The following RIC3 variants were observed in gnomAD, a reference collection of about 807,000 sequenced individuals.
The protein encoded by RIC3 is protein RIC-3.
A neutral mutation model predicts 27.3 loss-of-function variants in RIC3; 28 were observed. The ratio of observed to expected loss-of-function variants is 1.02; its 90% CI spans 0.76 to 1.41. The LOEUF is 1.41. Among genes scored for constraint, RIC3 ranks in the 40% most tolerant of loss-of-function variants. The pLI is 0.00. For synonymous variants in RIC3, 184 were observed against 160.4 expected, an observed-to-expected ratio of 1.15 and a Z score of -1.11; for missense variants, 501 against 444.7, an observed-to-expected ratio of 1.13 and a Z score of -1.14.
rs993877856 is a variant in RIC3 at position 8,109,836 on chromosome 11, C to T, written c.*862G>A. On this transcript the variant is annotated 3_prime_UTR_variant, in exon 6 of 6. Transcript: ENST00000309737. ...CCCTCTTATAGGGTTGCAGCCTCCT[C>T]ATGGCAGGACCATCCCTGGGCAGGG... 3.3e-5 allele frequency: 5 copies of T among 152,252 alleles called. No homozygotes were observed. The highest frequency in any genetic ancestry group is 1.2e-4 in the African/African-American group (5 of 41,450). The allele number at this position is 152,252 out of a possible 1,614,324, so 9.4% of individuals were successfully genotyped here. A position where few individuals can be genotyped will look rare whatever the true frequency, so the allele number is the denominator to read the frequency against.
downstream of RIC3, chr11:8,102,027 C>T (rs1246995155): frequency 5.0e-6 from 1 of 201,804 alleles, no homozygotes; most frequent in East Asian, 1.2e-4. Context: ...AGTCAGATGG[C>T]AATGGGTACT....
At chr11:8,112,926 A>T (rs748601588) in intron 5 of RIC3, among the ~76,000 whole-genome samples, 13 of 152,224 alleles carry the variant, frequency 8.5e-5, no homozygotes, top group Admixed American at 2.0e-4. Context: ...AAGGGAATGG[A>T]CATTATAAAA....
chr11:8,148,449 G>T (rs2134062627), intron 1 of RIC3, among the ~76,000 whole-genome samples: 1 of 152,296 alleles, frequency 6.6e-6, no homozygotes, highest in Admixed American at 6.5e-5. Flanking sequence ...GGTGGCTAAT[G>T]TTCAATAAAC....
intron 1 of RIC3, among the ~76,000 whole-genome samples, chr11:8,157,632 T>C (rs1448329424): frequency 1.3e-5 from 2 of 152,246 alleles, no homozygotes; most frequent in African/African-American, 4.8e-5. Flanking sequence ...GCTCTGGATC[T>C]TGCCTACTAC....
At chr11:8,104,019 T>C (rs1163129489), downstream of RIC3, 1 of 152,196 alleles carries the variant, frequency 6.6e-6, no homozygotes, top group Admixed American at 6.5e-5. Flanking sequence ...CTGTCAGGCA[T>C]TGAATGACAA....
chr11:8,103,341 A>AG (rs1307466964), downstream of RIC3: 2 of 152,238 alleles, frequency 1.3e-5, no homozygotes, highest in Non-Finnish European at 2.9e-5. Flanking sequence ...GGAAGCAAGC[A>AG]GGGGTCGTAC....
chr11:8,117,244 T>C (rs1055296677), intron 5 of RIC3, among the ~76,000 whole-genome samples: 1 of 152,162 alleles, frequency 6.6e-6, no homozygotes, highest in Non-Finnish European at 1.5e-5. Flanking sequence ...TTTTTGTATT[T>C]TGTGGAGACA....
Position 8,106,654 on chromosome 11 carries a change from CCCATTTAAACAGGACCTCGAGA to C in RIC3, c.*4022_*4043del, listed in dbSNP as rs1239272303. 13 of 149,028 alleles carry C rather than the reference CCCATTTAAACAGGACCTCGAGA, an allele frequency of 8.7e-5. No individual in the cohort carries two copies. The highest frequency in any genetic ancestry group is 3.2e-4 in the African/African-American group (13 of 40,172). 9.2% of individuals were successfully genotyped at this position (149,028 alleles called of 1,614,324 possible). A position where few individuals can be genotyped will look rare whatever the true frequency, so the allele number is the denominator to read the frequency against. On this transcript the variant is annotated 3_prime_UTR_variant, in exon 6 of 6. Coordinates refer to ENST00000309737, the MANE Select transcript of RIC3 (RefSeq NM_001206671.4). ...GTCTCAGGGCTTGCTTGGACCCTAA[CCCATTTAAACAGGACCTCGAGA>C]TGCTTAGGAATCTTTTTTTGTTGCC...
chr11:8,101,835 G>A (rs1944321437), downstream of RIC3: 4 of 696,588 alleles, frequency 5.7e-6, no homozygotes, highest in Non-Finnish European at 6.9e-6. Flanking sequence ...GGTGTGAAGG[G>A]ATGAGAATAA....
intron 5 of RIC3, among the ~76,000 whole-genome samples, chr11:8,115,884 T>C (rs1056280910): frequency 1.3e-5 from 2 of 152,046 alleles, no homozygotes; most frequent in African/African-American, 2.4e-5. Flanking sequence ...TTCACAGAAA[T>C]AGAAGAAACA....
At chr11:8,100,523 C>T in the RIC3 span, 3 of 1,614,112 alleles carry the variant, frequency 1.9e-6, no homozygotes, top group Admixed American at 1.7e-5. Context: ...TCTTAGGCTT[C>T]AAGGGGCCTC....
At chr11:8,105,338 A>ACT (rs1235824493), downstream of RIC3, 1 of 151,952 alleles carries the variant, frequency 6.6e-6, no homozygotes, top group African/African-American at 2.4e-5. Flanking sequence ...CAGAGTTGGG[A>ACT]CTCTATACTA....
intron 1 of RIC3, among the ~76,000 whole-genome samples, chr11:8,142,460 T>A (rs1379815529): frequency 6.6e-6 from 1 of 150,870 alleles, no homozygotes. Context: ...ACATACACTC[T>A]CCCAAGACTA....
At chr11:8,140,249 T>C (rs769338460) in intron 1 of RIC3, 56 bp from the exon 2 acceptor site, 16 of 1,471,620 alleles carry the variant, frequency 1.1e-5, no homozygotes, top group South Asian at 2.6e-5. Flanking sequence ...ATGGCTATCA[T>C]GAAAACACCA....
rs187537396 is a variant in RIC3 at position 8,134,958 on chromosome 11, C to T, written c.521+2420G>A. ...TCTGTAGGTTGCCTGTTCACTCTGA[C>T]GGTAGTTTCTTTTGCTGTGCAGAAG... is the stretch of plus-strand genomic sequence containing the variant. On this transcript the variant is annotated intron_variant, in intron 4 of 5. Coordinates refer to ENST00000309737, the MANE Select transcript of RIC3 (RefSeq NM_001206671.4). 1.5e-3 allele frequency among the ~76,000 whole-genome samples: 228 copies of T among 152,118 alleles called. 2 individuals carry two copies. Among genetic ancestry groups the T allele is most frequent in the African/African-American group, 2.7e-3 (114 of 41,508 alleles).
intron 4 of RIC3, among the ~76,000 whole-genome samples, chr11:8,134,882 C>G (rs1289115211): frequency 1.3e-5 from 2 of 152,074 alleles, no homozygotes; most frequent in Non-Finnish European, 2.9e-5. Flanking sequence ...ATCGTAGATT[C>G]CGGATATTAG....
chr11:8,098,710 C>T, the RIC3 span: 2 of 1,422,642 alleles, frequency 1.4e-6, no homozygotes, highest in Non-Finnish European at 2.0e-6. Flanking sequence ...GTTCCCTGCT[C>T]TGGGGCAGAG....
intron 4 of RIC3, among the ~76,000 whole-genome samples, chr11:8,129,110 C>T (rs2133690364): frequency 1.3e-5 from 2 of 152,100 alleles, no homozygotes; most frequent in Middle Eastern, 6.8e-3. Context: ...GTCTTTTTCT[C>T]ACATTTCATT....
chr11:8,118,065 TA>T (rs1263827794), intron 5 of RIC3, among the ~76,000 whole-genome samples: 2 of 150,396 alleles, frequency 1.3e-5, no homozygotes, highest in Admixed American at 6.6e-5. Context: ...TACTAAAAAT[TA>T]AAAAAAATTA....
Sources: allele counts gnomAD v4.1 joint callset (sites outside exome capture counted in the v4.1 genomes callset), GRCh38; gene constraint gnomAD v4.1.1; transcripts MANE v1.5; gene names NCBI Gene and HGNC (gene_info 2026-07-23, HGNC 2026-07-21).